The following TES variants were observed in gnomAD, a reference collection of about 807,000 sequenced individuals.
The protein encoded by TES is testin LIM domain protein, also known as testin.
A neutral mutation model predicts 48.2 loss-of-function variants in TES; 41 were observed. The ratio of observed to expected loss-of-function variants is 0.85; its 90% CI spans 0.66 to 1.10. The LOEUF is 1.10. Among genes scored for constraint, TES ranks in the 50% least tolerant of loss-of-function variants. The pLI is 0.00. For synonymous variants in TES, 162 were observed against 174.9 expected (o/e 0.93, Z 0.58); for missense variants, 463 against 515.1 (o/e 0.90, Z 0.98).
intron 2 of TES, among the ~76,000 whole-genome samples, chr7:116,237,482 C>T (rs903476829): frequency 1.7e-4 from 26 of 152,210 alleles, no homozygotes; most frequent in African/African-American, 6.3e-4. Context: ...TCTTCCACTT[C>T]CCTTCCAAGC....
At chr7:116,246,584 A>G (rs1799925812) in intron 2 of TES, among the ~76,000 whole-genome samples, 1 of 152,192 alleles carries the variant, frequency 6.6e-6, no homozygotes, top group South Asian at 2.1e-4. Context: ...TCCTACAGTC[A>G]TACCAACCTC....
intron 2 of TES, among the ~76,000 whole-genome samples, chr7:116,237,135 C>T (rs1176917640): frequency 6.6e-6 from 1 of 152,138 alleles, no homozygotes; most frequent in Admixed American, 6.5e-5. Flanking sequence ...GATTCCAGGT[C>T]TAGTCTAGGG....
intron 2 of TES, among the ~76,000 whole-genome samples, chr7:116,246,947 CTTTTT>C (rs35662534): frequency 1.5e-5 from 2 of 131,472 alleles, no homozygotes; most frequent in Admixed American, 7.9e-5. Context: ...GACTAGGCCC[CTTTTT>C]TTTTTTTTTT....
At chr7:116,239,300 T>C (rs370547631) in intron 2 of TES, 2 of 152,056 alleles carry the variant, frequency 1.3e-5, no homozygotes, top group Non-Finnish European at 2.9e-5. Flanking sequence ...ATGATTAGAG[T>C]AGGCACGCCT....
At chr7:116,237,217 T>G (rs1435783123) in intron 2 of TES, among the ~76,000 whole-genome samples, 1 of 152,144 alleles carries the variant, frequency 6.6e-6, no homozygotes, top group African/African-American at 2.4e-5. Flanking sequence ...TCCTCCAGCT[T>G]CATGGTGATC....
At chr7:116,230,006 A>G (rs1261796888) in intron 1 of TES, among the ~76,000 whole-genome samples, 4 of 152,218 alleles carry the variant, frequency 2.6e-5, no homozygotes, top group Non-Finnish European at 5.9e-5. Context: ...TTTTGTAGCT[A>G]TATACTTATA....
chr7:116,227,404 G>A (rs373558771), intron 1 of TES, among the ~76,000 whole-genome samples: 3 of 151,972 alleles, frequency 2.0e-5, no homozygotes, highest in Non-Finnish European at 2.9e-5. Flanking sequence ...TTACAGGCAT[G>A]AGCCACCGTG....
Position 116,257,428 on chromosome 7 carries a change from G to A in TES, c.1212G>A (p.Met404Ile). 6.2e-7 allele frequency: 1 copy of A among 1,613,996 alleles called. No homozygotes were observed. The highest frequency in any genetic ancestry group is 8.5e-7 in the Non-Finnish European group (1 of 1,179,966). ...AATGCCTCATTGGGCAGAAGTTCATGCCAGTAGAAGGGATGGTTTTCTGTT... is the reference window on the plus strand; with the variant it reads ...AATGCCTCATTGGGCAGAAGTTCATACCAGTAGAAGGGATGGTTTTCTGTT... ...CSKCLIGQKFMPVEGMVFCSV... is the reference protein window; with the variant it reads ...CSKCLIGQKFIPVEGMVFCSV... The change falls in exon 7 of 7, where the codon ATG becomes ATA. Residue 404 changes from methionine (M) to isoleucine (I), a missense_variant. Physicochemically the swap from Met to Ile is conservative, Grantham distance 10. Transcript: ENST00000358204.
chr7:116,219,478 C>T (rs1261641449), intron 1 of TES, among the ~76,000 whole-genome samples: 2 of 152,104 alleles, frequency 1.3e-5, no homozygotes. Flanking sequence ...CTCATTTAGG[C>T]TGGTCTGGAC....
chr7:116,222,577 C>A (rs1169344767), intron 1 of TES, among the ~76,000 whole-genome samples: 1 of 152,168 alleles, frequency 6.6e-6, no homozygotes, highest in African/African-American at 2.4e-5. Context: ...AGAAATAATA[C>A]CATAGCCTTT....
At chr7:116,217,715 T>C in intron 1 of TES, 1 of 507,140 alleles carries the variant, frequency 2.0e-6, no homozygotes, top group Admixed American at 2.0e-5. Context: ...TCACTACTGT[T>C]CTTTGAGTAA....
chr7:116,217,013 T>C (rs1236363355), intron 1 of TES, among the ~76,000 whole-genome samples: 2 of 152,178 alleles, frequency 1.3e-5, no homozygotes, highest in African/African-American at 4.8e-5. Context: ...TCTGGGGTTA[T>C]AGTTGTGAAC....
chr7:116,251,460 A>G, intron 4 of TES: 1 of 293,296 alleles, frequency 3.4e-6, no homozygotes, highest in South Asian at 3.9e-5. Flanking sequence ...AGGCGGGTGA[A>G]TCACGAGGTC....
intron 1 of TES, chr7:116,217,779 T>G (rs1799510808): frequency 3.9e-6 from 2 of 518,316 alleles, no homozygotes; most frequent in African/African-American, 1.9e-5. Context: ...AATTTAGAGG[T>G]TATGCTTTTC....
intron 2 of TES, 94 bp from the exon 3 acceptor site, chr7:116,248,926 A>C: frequency 7.7e-7 from 1 of 1,296,692 alleles, no homozygotes; most frequent in East Asian, 2.5e-5. Flanking sequence ...ATGATATAGA[A>C]TAGGCCTAAA....
At chr7:116,232,328 G>A (rs1206826669) in intron 1 of TES, among the ~76,000 whole-genome samples, 1 of 152,180 alleles carries the variant, frequency 6.6e-6, no homozygotes, top group Non-Finnish European at 1.5e-5. Context: ...TCTTTGTCAT[G>A]AGGTAAAATT....
At chr7:116,240,561 A>G (rs1425436099) in intron 2 of TES, among the ~76,000 whole-genome samples, 1 of 152,076 alleles carries the variant, frequency 6.6e-6, no homozygotes, top group East Asian at 1.9e-4. Context: ...TGTACAAACA[A>G]CTTTTTATAC....
At chr7:116,230,928 C>T (rs960342527) in intron 1 of TES, among the ~76,000 whole-genome samples, 2 of 152,200 alleles carry the variant, frequency 1.3e-5, no homozygotes, top group Non-Finnish European at 2.9e-5. Context: ...CCCCAGCCTT[C>T]CTTATTTATC....
At chr7:116,223,308 G>GTT (rs746758569) in intron 1 of TES, among the ~76,000 whole-genome samples, 2 of 152,156 alleles carry the variant, frequency 1.3e-5, no homozygotes, top group Admixed American at 6.5e-5. Context: ...TTTGAATCAA[G>GTT]TAATTTTGGC....
Sources: allele counts gnomAD v4.1 joint callset (sites outside exome capture counted in the v4.1 genomes callset), GRCh38; gene constraint gnomAD v4.1.1; transcripts MANE v1.5; gene names NCBI Gene and HGNC (gene_info 2026-07-23, HGNC 2026-07-21).